NTRK3: variants seen among roughly 807,000 people sequenced by gnomAD.
NTRK3 encodes NT-3 growth factor receptor.
In NTRK3, 24 loss-of-function variants were observed where a neutral mutation model predicts 91.7. The ratio of observed to expected loss-of-function variants is 0.26; its 90% CI spans 0.19 to 0.37. NTRK3 has a LOEUF of 0.37. Ranked by LOEUF, NTRK3 falls within the 10% of genes least tolerant of loss-of-function variation. NTRK3 has a pLI of 1.00. For missense variants in NTRK3, 880 were observed against 1,068.9 expected (o/e 0.82, Z 2.46); for synonymous variants, 483 against 404.0 (o/e 1.20, Z -2.34).
At chr15:88,037,597 G>C (rs1338660121) in intron 13 of NTRK3, among the ~76,000 whole-genome samples, 1 of 152,136 alleles carries the variant, frequency 6.6e-6, no homozygotes, top group Non-Finnish European at 1.5e-5. Flanking sequence ...CAAAGAAGGA[G>C]AGTGTCTAGA....
intron 14 of NTRK3, among the ~76,000 whole-genome samples, chr15:87,987,662 T>G (rs17826869): frequency 0.015 from 2,324 of 152,256 alleles, 21 homozygotes; most frequent in Non-Finnish European, 0.023. Context: ...GTCTTTTAAC[T>G]TTGTATACAG....
chr15:87,898,158 T>C (rs2066238975), intron 17 of NTRK3, among the ~76,000 whole-genome samples: 1 of 152,232 alleles, frequency 6.6e-6, no homozygotes. Flanking sequence ...CTTCCTATTT[T>C]TTCTAAGGAC....
chr15:88,105,565 C>T (rs374017668), intron 13 of NTRK3, among the ~76,000 whole-genome samples: 4 of 152,196 alleles, frequency 2.6e-5, no homozygotes, highest in Admixed American at 1.3e-4. Flanking sequence ...GTTCCACATA[C>T]GCTGCTTCTC....
rs2051690835 is a variant in NTRK3 at position 88,235,997 on chromosome 15, GA to G, written c.248+19908del. Among the ~76,000 whole-genome samples the G allele has an allele frequency of 6.6e-6, 1 of 152,214 alleles. No homozygotes were observed. The highest frequency in any genetic ancestry group is 6.5e-5 in the Admixed American group (1 of 15,288). On this transcript the variant is annotated intron_variant, in intron 3 of 18. Transcript: ENST00000394480. This position sits in a 1 kb window ranked among gnomAD's most constrained non-coding sequence, Gnocchi z 5.2. ...CCCAGATTAATCAAAAACAGTCCTA[GA>G]GTGTAAACTGTTACAACCACTTCGG...
intron 17 of NTRK3, among the ~76,000 whole-genome samples, chr15:87,924,822 C>G (rs542687695): frequency 6.8e-4 from 103 of 152,248 alleles, no homozygotes; most frequent in African/African-American, 2.4e-3. Context: ...TCACACAGGA[C>G]AGCACACAGG....
chr15:87,877,070 G>A (rs2064979922), exon 19 of NTRK3: 2 of 1,613,926 alleles, frequency 1.2e-6, no homozygotes, highest in African/African-American at 1.3e-5. Context: ...CCTCTTTGGG[G>A]CAGACTCGGG....
chr15:88,182,989 G>A (rs1228426826), intron 5 of NTRK3, among the ~76,000 whole-genome samples: 2 of 151,530 alleles, frequency 1.3e-5, no homozygotes, highest in East Asian at 1.9e-4. Context: ...CTGGCTATTA[G>A]CCATACTTTC....
intron 3 of NTRK3, among the ~76,000 whole-genome samples, chr15:88,198,634 A>AAC (rs1400300032): frequency 6.6e-6 from 1 of 152,178 alleles, no homozygotes; most frequent in Non-Finnish European, 1.5e-5. Context: ...ATTCCTTGAC[A>AAC]ACAAAGTCTG....
intron 5 of NTRK3, among the ~76,000 whole-genome samples, chr15:88,149,949 A>G (rs1310329568): frequency 6.6e-6 from 1 of 152,198 alleles, no homozygotes; most frequent in Non-Finnish European, 1.5e-5. Context: ...CAAAAGCTGG[A>G]CAAGCCCCCA....
At chr15:88,217,351 G>A (rs1471462917) in intron 3 of NTRK3, among the ~76,000 whole-genome samples, 3 of 152,228 alleles carry the variant, frequency 2.0e-5, no homozygotes, top group Non-Finnish European at 4.4e-5. Flanking sequence ...AAAGTAACCC[G>A]TGTATCCATC....
chr15:88,182,644 A>C (rs2046588499), intron 5 of NTRK3, among the ~76,000 whole-genome samples: 1 of 152,196 alleles, frequency 6.6e-6, no homozygotes, highest in Non-Finnish European at 1.5e-5. Context: ...CCCAGACAAC[A>C]AATACCCCTC....
chr15:88,167,233 G>A (rs549295105), intron 5 of NTRK3, among the ~76,000 whole-genome samples: 29 of 152,284 alleles, frequency 1.9e-4, no homozygotes, highest in African/African-American at 7.0e-4. Flanking sequence ...AGCCAGTGCT[G>A]CTGTGCATTT....
intron 17 of NTRK3, among the ~76,000 whole-genome samples, chr15:87,922,062 C>T (rs912153466): frequency 5.9e-5 from 9 of 152,136 alleles, no homozygotes; most frequent in African/African-American, 1.7e-4. Flanking sequence ...AAAGTTCCAA[C>T]GAAGAGCAGA....
intron 13 of NTRK3, among the ~76,000 whole-genome samples, chr15:88,116,953 A>C (rs944409740): frequency 6.6e-6 from 1 of 152,216 alleles, no homozygotes; most frequent in African/African-American, 2.4e-5. Context: ...TTATCAGATG[A>C]GCTGGTCTGC....
intron 17 of NTRK3, among the ~76,000 whole-genome samples, chr15:87,902,491 G>A (rs1265164135): frequency 6.6e-6 from 1 of 152,044 alleles, no homozygotes; most frequent in African/African-American, 2.4e-5. Context: ...CATGGTCTTG[G>A]GCAGACAAAG....
intron 13 of NTRK3, among the ~76,000 whole-genome samples, chr15:88,040,908 C>T: frequency 6.6e-6 from 1 of 152,340 alleles, no homozygotes; most frequent in African/African-American, 2.4e-5. Context: ...ATTTAATCAA[C>T]AACAAAACCT....
At chr15:87,924,779 T>G (rs1463086009) in intron 17 of NTRK3, among the ~76,000 whole-genome samples, 1 of 152,194 alleles carries the variant, frequency 6.6e-6, no homozygotes, top group East Asian at 1.9e-4. Context: ...TCATTCATAC[T>G]TTTATTAGGT....
At chr15:88,113,312 T>TC (rs2051639806) in intron 13 of NTRK3, among the ~76,000 whole-genome samples, 1 of 23,616 alleles carries the variant, frequency 4.2e-5, no homozygotes, top group African/African-American at 7.4e-4. Flanking sequence ...GATCAATTTC[T>TC]TTTTTTTTTT....
At chr15:88,113,201 A>T (rs1177062115) in intron 13 of NTRK3, among the ~76,000 whole-genome samples, 1 of 152,160 alleles carries the variant, frequency 6.6e-6, no homozygotes, top group Non-Finnish European at 1.5e-5. Flanking sequence ...TTTGTCTGGA[A>T]ACTGCCAGGC....
Sources: allele counts gnomAD v4.1 joint callset (sites outside exome capture counted in the v4.1 genomes callset), GRCh38; gene constraint gnomAD v4.1.1; non-coding constraint Gnocchi (gnomAD v3.1); transcripts MANE v1.5; gene names NCBI Gene and HGNC (gene_info 2026-07-23, HGNC 2026-07-21).